Variants in ZFYVE28 observed in about 807,000 individuals in gnomAD.
ZFYVE28 encodes zinc finger FYVE-type containing 28, also known as lateral signaling target protein 2 homolog.
Under a neutral mutation model 82.1 loss-of-function variants are expected in ZFYVE28, and 40 were observed. The ratio of observed to expected loss-of-function variants is 0.49; its 90% CI spans 0.38 to 0.63. ZFYVE28 has a LOEUF of 0.63. ZFYVE28 is among the 30% of genes least tolerant of loss of function. The pLI, the probability that ZFYVE28 is intolerant of heterozygous loss-of-function variation, is 0.00. For missense variants in ZFYVE28, 1,321 were observed against 1,242.1 expected (o/e 1.06, Z -0.96); for synonymous variants, 612 against 546.1 (o/e 1.12, Z -1.68).
chr4:2,348,453 C>A (rs1723895168), intron 2 of ZFYVE28, among the ~76,000 whole-genome samples: 1 of 152,224 alleles, frequency 6.6e-6, no homozygotes, highest in Admixed American at 6.5e-5. Context: ...ATCTATGACA[C>A]TGTCTTGACA....
At chr4:2,294,848 T>C (rs1444883038) in intron 8 of ZFYVE28, among the ~76,000 whole-genome samples, 1 of 152,184 alleles carries the variant, frequency 6.6e-6, no homozygotes, top group African/African-American at 2.4e-5. Context: ...TGAGGTGGTG[T>C]GCCTGTAGTT....
chr4:2,392,113 C>T (rs921982288), intron 1 of ZFYVE28, among the ~76,000 whole-genome samples: 1 of 150,436 alleles, frequency 6.6e-6, no homozygotes, highest in African/African-American at 2.4e-5. Context: ...GAGATTGCAT[C>T]ATTGCACTCC....
rs1226562450 is a variant in ZFYVE28 at position 2,394,604 on chromosome 4, C to T, written c.39+23681G>A. ...TGCACATAAGGTCCTAAAACATCAA[C>T]GCCTCCTTTCTAACAAGGCACATGC... On this transcript the variant is annotated intron_variant, in intron 1 of 12. Transcript: ENST00000290974. This position sits in a 1 kb window ranked among gnomAD's most constrained non-coding sequence, Gnocchi z 4.0. 4.6e-5 allele frequency among the ~76,000 whole-genome samples: 7 copies of T among 152,216 alleles called. No homozygotes were observed. Among genetic ancestry groups the T allele is most frequent in the African/African-American group, 9.6e-5 (4 of 41,462 alleles).
At position 2,341,307 on chromosome 4, in the gene ZFYVE28, G is replaced by C. The variant is rs1276285174; in HGVS notation, c.318+171C>G. The C allele has an allele frequency of 2.4e-6, 2 of 827,100 alleles. No individual in the cohort carries two copies. Among genetic ancestry groups the C allele is most frequent in the Non-Finnish European group, 3.8e-6 (2 of 531,402 alleles). The allele number at this position is 827,100 out of a possible 1,614,324, so 51.2% of individuals were successfully genotyped here. On this transcript the variant is annotated intron_variant, in intron 3 of 12. Coordinates refer to ENST00000290974, the MANE Select transcript of ZFYVE28 (RefSeq NM_020972.3). This position sits in a 1 kb window ranked among gnomAD's most constrained non-coding sequence, Gnocchi z 4.5. Reference sequence around the variant, plus strand: ...TTCATGGCTTTCCCAGATCCTCCAGGGGTGCACGGCCTACCAGGCTCAGAC... The same window carrying C: ...TTCATGGCTTTCCCAGATCCTCCAGCGGTGCACGGCCTACCAGGCTCAGAC...
intron 1 of ZFYVE28, among the ~76,000 whole-genome samples, chr4:2,355,874 G>T (rs1476323701): frequency 6.6e-6 from 1 of 152,196 alleles, no homozygotes; most frequent in Non-Finnish European, 1.5e-5. Context: ...CACTGTGCCT[G>T]GCCTGAACCT....
rs1376007181 is a variant in ZFYVE28 at position 2,274,223 on chromosome 4, G to A, written c.2052-7C>T. On this transcript the variant is annotated splice_polypyrimidine_tract_variant and splice_region_variant and intron_variant, in intron 8 of 12. Coordinates refer to ENST00000290974, the MANE Select transcript of ZFYVE28 (RefSeq NM_020972.3). Reference sequence around the variant, plus strand: ...GGACCCAGCTGTGGAGCTGCTGCATGGAGAAGGAGATACCGGTGTGTGGGG... The same window carrying A: ...GGACCCAGCTGTGGAGCTGCTGCATAGAGAAGGAGATACCGGTGTGTGGGG... The A allele has an allele frequency of 1.2e-6, 2 of 1,611,452 alleles. No homozygotes were observed. The highest frequency in any genetic ancestry group is 4.5e-5 in the East Asian group (2 of 44,794).
rs527874586 is a variant in ZFYVE28, at chr4:2,409,363, C to T, written c.39+8922G>A. On this transcript the variant is annotated intron_variant, in intron 1 of 12. Transcript: ENST00000290974. The surrounding 1 kb of genome is among the most constrained non-coding windows in gnomAD (Gnocchi z 4.4). The stretch of plus-strand genomic sequence containing the variant: ...CAATCTCGTCTCTCCCACAGCAGGC[C>T]TGGAAGGACCCCGCAAACAGCAGTG... Among the ~76,000 whole-genome samples, 27 of 152,218 alleles carry T rather than the reference C, an allele frequency of 1.8e-4. No homozygotes were observed. Among genetic ancestry groups the T allele is most frequent in the Admixed American group, 1.8e-3 (27 of 15,292 alleles).
rs1329584171 is a variant in ZFYVE28 at position 2,377,711 on chromosome 4, T to G, written c.40-23638A>C. The stretch of plus-strand genomic sequence containing the variant: ...TTTCTCGTAGTTACTCTGTCTTTTC[T>G]GTTAATTCTAAAGATTCTCTTCATC... On this transcript the variant is annotated intron_variant, in intron 1 of 12. Transcript: ENST00000290974. 2.6e-5 allele frequency among the ~76,000 whole-genome samples: 4 copies of G among 152,242 alleles called. No individual in the cohort carries two copies. The East Asian group carries it at 7.7e-4, about 29-fold the overall frequency.
chr4:2,341,709 T>A lies in ZFYVE28; in HGVS notation c.181-94A>T. The A allele has an allele frequency of 6.6e-7, 1 of 1,505,650 alleles. No individual in the cohort carries two copies. Among genetic ancestry groups the A allele is most frequent in the Non-Finnish European group, 9.0e-7 (1 of 1,107,584 alleles). The allele number at this position is 1,505,650 out of a possible 1,614,324, so 93.3% of individuals were successfully genotyped here. On this transcript the variant is annotated intron_variant, in intron 2 of 12. Transcript: ENST00000290974. The surrounding 1 kb of genome is among the most constrained non-coding windows in gnomAD (Gnocchi z 4.5). Reference sequence around the variant, plus strand: ...AAAACACGCACGGTGCATGTGACTGTTTTTTAGGATTATTAAAGTGATAGA... The same window carrying A: ...AAAACACGCACGGTGCATGTGACTGATTTTTAGGATTATTAAAGTGATAGA...
At chr4:2,401,856 G>T (rs1402263807) in intron 1 of ZFYVE28, among the ~76,000 whole-genome samples, 2 of 152,144 alleles carry the variant, frequency 1.3e-5, no homozygotes, top group Non-Finnish European at 1.5e-5. Context: ...CAAGACCTGG[G>T]CTGCGTCCTC....
rs183637922 is a variant in ZFYVE28 at position 2,290,080 on chromosome 4, C to T, written c.2051+14209G>A. 3.2e-3 allele frequency among the ~76,000 whole-genome samples: 490 copies of T among 152,296 alleles called. 4 individuals carry two copies. Among genetic ancestry groups the T allele is most frequent in the African/African-American group, 0.011 (447 of 41,562 alleles). On this transcript the variant is annotated intron_variant, in intron 8 of 12. Transcript: ENST00000290974. Reference sequence around the variant, plus strand: ...CAGACAGCCAGGCCTCAGCCAGCAGCGTGATGGCAGGCCCCGTCAGAGCCA... The same window carrying T: ...CAGACAGCCAGGCCTCAGCCAGCAGTGTGATGGCAGGCCCCGTCAGAGCCA...
At position 2,335,639 on chromosome 4, in the gene ZFYVE28, C is replaced by CA; in HGVS notation, c.701+65_701+66insT. 2.7e-6 allele frequency: 4 copies of CA among 1,471,606 alleles called. No homozygotes were observed. The South Asian group carries it at 4.9e-5, about 18-fold the overall frequency. The allele number at this position is 1,471,606 out of a possible 1,614,324, so 91.2% of individuals were successfully genotyped here. A position where few individuals can be genotyped will look rare whatever the true frequency, so the allele number is the denominator to read the frequency against. On this transcript the variant is annotated intron_variant, in intron 6 of 12. Coordinates refer to ENST00000290974, the MANE Select transcript of ZFYVE28 (RefSeq NM_020972.3). The surrounding 1 kb of genome is among the most constrained non-coding windows in gnomAD (Gnocchi z 5.8). ...CCATGGACCGGCACCCGCACGGGAC[C>CA]TGGCACCATCAGCCCTGCCCGTCCC...
chr4:2,336,325 C>T lies in ZFYVE28; in HGVS notation c.612-531G>A, dbSNP rs192215894. ...ACTTTTCAAAATAAAAGGAATTTCC[C>T]GTCATCTTATTTTCTGATAATTTGA... On this transcript the variant is annotated intron_variant, in intron 5 of 12. Coordinates refer to ENST00000290974, the MANE Select transcript of ZFYVE28 (RefSeq NM_020972.3). 2.3e-3 allele frequency among the ~76,000 whole-genome samples: 355 copies of T among 152,284 alleles called. 2 individuals are homozygous for T. The highest frequency in any genetic ancestry group is 3.4e-3 in the Middle Eastern group (1 of 294).
At chr4:2,272,026 A>G (rs1735960329) in intron 10 of ZFYVE28, among the ~76,000 whole-genome samples, 1 of 152,196 alleles carries the variant, frequency 6.6e-6, no homozygotes, top group African/African-American at 2.4e-5. Context: ...TCCCCCTGAC[A>G]GGGGCATCCA....
Position 2,304,955 on chromosome 4 carries a change from T to C in ZFYVE28, c.1385A>G (p.Asn462Ser), listed in dbSNP as rs746809534. 48 of 1,612,426 alleles carry C rather than the reference T, an allele frequency of 3.0e-5. No individual in the cohort carries two copies. Among genetic ancestry groups the C allele is most frequent in the Admixed American group, 2.3e-4 (14 of 59,996 alleles). The change falls in exon 8 of 13, where the codon AAT becomes AGT. Residue 462 changes from asparagine (N) to serine (S), a missense_variant. Asn to Ser is a conservative substitution (Grantham distance 46, BLOSUM62 1). This residue lies in a region of ZFYVE28 where 978 missense variants were observed against 833.7 expected (regional missense o/e 1.17). Transcript: ENST00000290974. ...SEKEEDLSNN[N>S]LEAEGTDGAS... is the part of the protein sequence containing the mutation. ...CCCATCTGTGCCCTCGGCCTCGAGA[T>C]TGTTGTTGCTCAAGTCCTCCTCCTT...
At position 2,304,054 on chromosome 4, in the gene ZFYVE28, G is replaced by A. The variant is rs551880949; in HGVS notation, c.2051+235C>T. 1.2e-4 allele frequency among the ~76,000 whole-genome samples: 18 copies of A among 152,344 alleles called. 1 individual carries two copies. The South Asian group carries it at 1.9e-3, about 16-fold the overall frequency. On this transcript the variant is annotated intron_variant, in intron 8 of 12. Transcript: ENST00000290974. The stretch of plus-strand genomic sequence containing the variant: ...CCCGGAACATCAGAAACAGGGAAGC[G>A]GGCCCGCTGGCGCACATTTTCTGGT...
At chr4:2,371,902 G>A (rs1727598493) in intron 1 of ZFYVE28, among the ~76,000 whole-genome samples, 1 of 152,104 alleles carries the variant, frequency 6.6e-6, no homozygotes, top group African/African-American at 2.4e-5. Context: ...TGAAGGTTGG[G>A]CTCCAGGGCC....
Position 2,332,622 on chromosome 4 carries a change from G to A in ZFYVE28, c.701+3083C>T, listed in dbSNP as rs955693197. ...AATACTTGCTCACTGAATGAACACAGGAAGGAGCAGGTTCTGGGCCCCACC... is the reference window on the plus strand; with the variant it reads ...AATACTTGCTCACTGAATGAACACAAGAAGGAGCAGGTTCTGGGCCCCACC... On this transcript the variant is annotated intron_variant, in intron 6 of 12. Transcript: ENST00000290974. The surrounding 1 kb of genome is among the most constrained non-coding windows in gnomAD (Gnocchi z 4.7). Among the ~76,000 whole-genome samples, 10 of 152,324 alleles carry A rather than the reference G, an allele frequency of 6.6e-5. No individual in the cohort carries two copies. Among genetic ancestry groups the A allele is most frequent in the African/African-American group, 2.4e-4 (10 of 41,566 alleles).
chr4:2,343,325 C>T (rs910732267), intron 2 of ZFYVE28: 3 of 152,156 alleles, frequency 2.0e-5, no homozygotes, highest in African/African-American at 7.2e-5. Context: ...AATTTTTAAT[C>T]TCGACCATCC....
Sources: allele counts gnomAD v4.1 joint callset (sites outside exome capture counted in the v4.1 genomes callset), GRCh38; gene constraint gnomAD v4.1.1; regional missense constraint gnomAD v4.1.1; non-coding constraint Gnocchi (gnomAD v3.1); transcripts MANE v1.5; gene names NCBI Gene and HGNC (gene_info 2026-07-23, HGNC 2026-07-21).